The following RP1 variants were observed in gnomAD, a reference collection of about 807,000 sequenced individuals.
RP1 encodes the protein oxygen-regulated protein 1.
A neutral mutation model predicts 14.8 loss-of-function variants in RP1; 16 were observed. That is an observed-to-expected ratio of 1.08 (90% CI 0.73 to 1.65). The LOEUF (loss-of-function observed/expected upper bound fraction) is 1.65, where lower values mean the gene tolerates loss of function less well. Ranked by LOEUF, RP1 falls within the 40% of genes most tolerant of loss-of-function variation. RP1 has a pLI of 0.00. For synonymous variants in RP1, 876 were observed against 883.6 expected, an observed-to-expected ratio of 0.99 and a Z score of 0.15; for missense variants, 2,631 against 2,535.0, an observed-to-expected ratio of 1.04 and a Z score of -0.81.
chr8:54,575,310 A>G (rs1804617531), intron 1 of RP1, among the ~76,000 whole-genome samples: 1 of 152,256 alleles, frequency 6.6e-6, no homozygotes, highest in Non-Finnish European at 1.5e-5. Context: ...AGAAAAACCA[A>G]CAGTGTTAGG....
At chr8:54,710,536 T>G (rs1041417778) in intron 15 of RP1, among the ~76,000 whole-genome samples, 5 of 152,192 alleles carry the variant, frequency 3.3e-5, no homozygotes, top group African/African-American at 1.2e-4. Context: ...GACAGCCTTT[T>G]TGGCTACCCG....
intron 1 of RP1, among the ~76,000 whole-genome samples, chr8:54,597,465 T>C (rs1317523582): frequency 1.3e-5 from 2 of 152,198 alleles, no homozygotes; most frequent in East Asian, 1.9e-4. Flanking sequence ...CTTCTCTTTA[T>C]ATGTTTTAGA....
chr8:54,652,584 T>C (rs548577221), intron 4 of RP1, among the ~76,000 whole-genome samples: 2 of 152,330 alleles, frequency 1.3e-5, no homozygotes, highest in East Asian at 3.9e-4. Context: ...TCATAGAGTG[T>C]CTGTTTCTCT....
At chr8:54,692,967 T>C (rs1563349421) in intron 12 of RP1, among the ~76,000 whole-genome samples, 1 of 152,216 alleles carries the variant, frequency 6.6e-6, no homozygotes. Context: ...CATTTACGTC[T>C]TTAATCCATC....
Position 54,626,914 on chromosome 8 carries a change from C to G in RP1, c.3032C>G (p.Ser1011Cys). The change falls in exon 4 of 4, where the codon TCT becomes TGT. Residue 1011 changes from serine to cysteine, a missense_variant. Ser to Cys is a moderately radical substitution (Grantham distance 112, BLOSUM62 -1). Coordinates refer to ENST00000220676, the MANE Select transcript of RP1 (RefSeq NM_006269.2). Reference sequence around the variant, plus strand: ...GATCTCCATGAGACACAGGTTGGATCTCTGAATGATGCTTATTTGGTTCCC... The same window carrying G: ...GATCTCCATGAGACACAGGTTGGATGTCTGAATGATGCTTATTTGGTTCCC... ...EEDLHETQVG[S>C]LNDAYLVPLH... The G allele has an allele frequency of 6.2e-7, 1 of 1,613,866 alleles. No homozygotes were observed. The highest frequency in any genetic ancestry group is 8.5e-7 in the Non-Finnish European group (1 of 1,179,950).
chr8:54,623,400 A>G lies in RP1; in HGVS notation c.787+1112A>G, dbSNP rs542856458. On this transcript the variant is annotated intron_variant, in intron 3 of 3. Transcript: ENST00000220676. Reference sequence around the variant, plus strand: ...AATAAGAAAAAATATTTCTAGGTTTATACTCTGCAACATTAAAGGGGCTTA... The same window carrying G: ...AATAAGAAAAAATATTTCTAGGTTTGTACTCTGCAACATTAAAGGGGCTTA... 9.2e-5 allele frequency among the ~76,000 whole-genome samples: 14 copies of G among 152,296 alleles called. No individual in the cohort carries two copies. In the South Asian group the frequency reaches 2.9e-3, roughly 32 times the overall value.
intron 1 of RP1, among the ~76,000 whole-genome samples, chr8:54,617,592 G>T (rs1234496110): frequency 6.6e-6 from 1 of 152,174 alleles, no homozygotes; most frequent in Non-Finnish European, 1.5e-5. Flanking sequence ...TTCCTGGAGG[G>T]CATCTCTACC....
chr8:54,560,271 T>C (rs1804256254), intron 1 of RP1: 1 of 152,202 alleles, frequency 6.6e-6, no homozygotes, highest in South Asian at 2.1e-4. Context: ...ACTCTGAATG[T>C]CAGCTATCAC....
intron 23 of RP1, chr8:54,781,060 TA>T: frequency 4.1e-6 from 4 of 984,122 alleles, no homozygotes; most frequent in Non-Finnish European, 4.8e-6. Context: ...AAAAGGAAAG[TA>T]AGCCTCCTAA....
chr8:54,566,439 G>C (rs1804409290), intron 1 of RP1, among the ~76,000 whole-genome samples: 1 of 152,142 alleles, frequency 6.6e-6, no homozygotes. Flanking sequence ...TCAAAGGGCA[G>C]CTCACGTTTT....
At chr8:54,852,296 A>G (rs554687159) in intron 25 of RP1, among the ~76,000 whole-genome samples, 79 of 152,286 alleles carry the variant, frequency 5.2e-4, no homozygotes, top group Non-Finnish European at 7.9e-4. Flanking sequence ...ACATCTTTTC[A>G]TAATAACTGT....
intron 25 of RP1, among the ~76,000 whole-genome samples, chr8:54,844,838 A>G (rs1200064576): frequency 6.6e-6 from 1 of 152,136 alleles, no homozygotes; most frequent in Non-Finnish European, 1.5e-5. Context: ...GAAATCTTGG[A>G]TAGTTTGGAT....
intron 14 of RP1, among the ~76,000 whole-genome samples, chr8:54,705,276 T>C (rs1808122226): frequency 6.6e-6 from 1 of 152,074 alleles, no homozygotes; most frequent in South Asian, 2.1e-4. Flanking sequence ...AGATTAAAAT[T>C]GGCTAAGCAA....
chr8:54,567,453 C>T (rs1353660953), intron 1 of RP1, among the ~76,000 whole-genome samples: 2 of 152,094 alleles, frequency 1.3e-5, no homozygotes, highest in Non-Finnish European at 2.9e-5. Flanking sequence ...TATGAGACTT[C>T]CTGAGGAAAA....
chr8:54,563,845 G>A (rs897743521), intron 1 of RP1, among the ~76,000 whole-genome samples: 5 of 152,070 alleles, frequency 3.3e-5, no homozygotes, highest in Non-Finnish European at 4.4e-5. Context: ...CACCACGCCC[G>A]GCCTACTATT....
intron 12 of RP1, among the ~76,000 whole-genome samples, chr8:54,695,310 C>G (rs535971131): frequency 1.5e-4 from 23 of 151,898 alleles, no homozygotes; most frequent in Non-Finnish European, 3.1e-4. Context: ...TTATAAAATA[C>G]TTAACTGTTG....
chr8:54,626,226 C>G lies in RP1; in HGVS notation c.2344C>G (p.Leu782Val), dbSNP rs765605274. ...GLLTKRKSRSLNKISLGAPKK... is the reference protein window; with the variant it reads ...GLLTKRKSRSVNKISLGAPKK... Reference sequence around the variant, plus strand: ...TTTAACCAAAAGAAAATCTAGATCACTAAATAAAATAAGCTTAGGAGCACC... The same window carrying G: ...TTTAACCAAAAGAAAATCTAGATCAGTAAATAAAATAAGCTTAGGAGCACC... Residue 782 changes from leucine to valine, a missense_variant, in exon 4 of 4, where the codon CTA becomes GTA. By Grantham distance (32) the Leu-to-Val change is conservative. Transcript: ENST00000220676. The G allele has an allele frequency of 6.2e-7, 1 of 1,610,714 alleles. No homozygotes were observed.
intron 24 of RP1, among the ~76,000 whole-genome samples, chr8:54,805,882 G>T (rs541268174): frequency 3.3e-5 from 5 of 152,254 alleles, no homozygotes; most frequent in African/African-American, 4.8e-5. Context: ...GCAGCCTTCA[G>T]GATATGTTAG....
intron 25 of RP1, among the ~76,000 whole-genome samples, chr8:54,847,447 T>C (rs942631060): frequency 6.6e-6 from 1 of 152,184 alleles, no homozygotes; most frequent in African/African-American, 2.4e-5. Context: ...TCCTGATATG[T>C]TTGCCAGAAT....
Sources: gnomAD v4.1 joint callset for allele counts (sites outside exome capture counted in the v4.1 genomes callset) on GRCh38, gnomAD v4.1.1 for gene constraint, MANE v1.5 for transcripts, NCBI Gene and HGNC (gene_info 2026-07-23, HGNC 2026-07-21) for gene names.